KCMF1: variants seen among roughly 807,000 people sequenced by gnomAD.
KCMF1 encodes the protein potassium channel modulatory factor 1, also known as E3 ubiquitin-protein ligase KCMF1.
A neutral mutation model predicts 41.1 loss-of-function variants in KCMF1; 3 were observed. That is an observed-to-expected ratio of 0.07 (90% CI 0.03 to 0.19). The LOEUF is 0.19. Among genes scored for constraint, KCMF1 ranks in the 10% least tolerant of loss-of-function variants. KCMF1 has a pLI of 1.00. For missense variants in KCMF1, 286 were observed against 488.9 expected, an observed-to-expected ratio of 0.58 and a Z score of 3.91; for synonymous variants, 142 against 164.5, an observed-to-expected ratio of 0.86 and a Z score of 1.04.
intron 4 of KCMF1, 124 bp from the exon 5 acceptor site, chr2:85,045,980 A>G: frequency 1.3e-6 from 1 of 776,256 alleles, no homozygotes; most frequent in Non-Finnish European, 2.0e-6. Flanking sequence ...TTGCACTTTA[A>G]GTTAAATGTG....
intron 3 of KCMF1, among the ~76,000 whole-genome samples, chr2:85,038,841 G>T (rs375534907): frequency 2.6e-5 from 4 of 152,102 alleles, no homozygotes; most frequent in East Asian, 3.8e-4. Flanking sequence ...AAGCAGAGAC[G>T]TGAATTGTAC....
At chr2:85,048,299 C>G (rs1381408890) in intron 5 of KCMF1, among the ~76,000 whole-genome samples, 2 of 152,118 alleles carry the variant, frequency 1.3e-5, no homozygotes, top group African/African-American at 2.4e-5. Flanking sequence ...GAATATTTAC[C>G]TGCTATTTTG....
intron 1 of KCMF1, among the ~76,000 whole-genome samples, chr2:84,996,457 C>T (rs1674178063): frequency 8.8e-6 from 1 of 113,080 alleles, no homozygotes; most frequent in Admixed American, 1.1e-4. Flanking sequence ...TTTTTTGAGA[C>T]AGAGTCTTGG....
At chr2:84,974,873 T>C (rs1673505418) in intron 1 of KCMF1, among the ~76,000 whole-genome samples, 1 of 151,074 alleles carries the variant, frequency 6.6e-6, no homozygotes, top group African/African-American at 2.4e-5. Flanking sequence ...GCCCGGCTAA[T>C]TTTTGTATTT....
intron 2 of KCMF1, among the ~76,000 whole-genome samples, chr2:85,029,384 A>T (rs554519593): frequency 2.0e-4 from 30 of 152,054 alleles, no homozygotes; most frequent in Admixed American, 3.3e-4. Flanking sequence ...GGAGTTTGAG[A>T]TGAGCCTGGG....
At chr2:84,977,373 AC>A (rs1673576831) in intron 1 of KCMF1, among the ~76,000 whole-genome samples, 1 of 152,204 alleles carries the variant, frequency 6.6e-6, no homozygotes, top group Non-Finnish European at 1.5e-5. Context: ...AGGTCTTCTT[AC>A]AACTTATTGT....
chr2:85,027,366 CTTTTTTTTTTTTT>C (rs934531367), intron 1 of KCMF1, among the ~76,000 whole-genome samples: 2 of 65,738 alleles, frequency 3.0e-5, no homozygotes, highest in Admixed American at 1.8e-4. Flanking sequence ...CTTATCAAGG[CTTTTTTTTTTTTT>C]TTTTTTTTTT....
intron 1 of KCMF1, among the ~76,000 whole-genome samples, chr2:85,008,312 T>TATATAATATATATCATATGATATATA (rs372495671): frequency 1.1e-4 from 2 of 18,108 alleles, no homozygotes; most frequent in African/African-American, 1.8e-4. Flanking sequence ...TATAATATGA[T>TATATAATATATATCATATGATATATA]ATATATATCA....
intron 1 of KCMF1, among the ~76,000 whole-genome samples, chr2:85,024,458 G>C (rs1353428030): frequency 1.3e-5 from 2 of 152,102 alleles, no homozygotes; most frequent in African/African-American, 4.8e-5. Flanking sequence ...CGGCGACAGA[G>C]TGAGACTCTA....
chr2:85,014,004 T>C (rs1050790412), intron 1 of KCMF1: 1 of 152,208 alleles, frequency 6.6e-6, no homozygotes, highest in Non-Finnish European at 1.5e-5. Context: ...TCTAAACAGC[T>C]CTTAGACCCT....
intron 1 of KCMF1, among the ~76,000 whole-genome samples, chr2:85,014,724 CGTGT>C (rs72066261): frequency 0.033 from 4,628 of 138,260 alleles, 113 homozygotes; most frequent in Middle Eastern, 0.069. Flanking sequence ...TGCGTGCGTG[CGTGT>C]GTGTGTGTGT....
At position 85,058,767 on chromosome 2, in the gene KCMF1, T is replaced by G. The variant is rs1328371649; in HGVS notation, c.*5358T>G. ...AGCCGGTTGCGTTTGGTCAGTCACG[T>G]GACCAATCAGAGCTGGTGAGTGAGC... On this transcript the variant is annotated 3_prime_UTR_variant, in exon 7 of 7. Transcript: ENST00000409785. 6.6e-6 allele frequency: 1 copy of G among 152,236 alleles called. No individual in the cohort carries two copies. The highest frequency in any genetic ancestry group is 1.5e-5 in the Non-Finnish European group (1 of 68,044). 9.4% of individuals were successfully genotyped at this position (152,236 alleles called of 1,614,324 possible). A position where few individuals can be genotyped will look rare whatever the true frequency, so the allele number is the denominator to read the frequency against.
intron 1 of KCMF1, among the ~76,000 whole-genome samples, chr2:84,988,274 G>A (rs1480212725): frequency 6.6e-6 from 1 of 151,910 alleles, no homozygotes; most frequent in East Asian, 1.9e-4. Flanking sequence ...GGGGTGGGAA[G>A]TAGAGTAGAT....
At chr2:85,042,201 A>G (rs1675557205) in intron 3 of KCMF1, among the ~76,000 whole-genome samples, 1 of 152,184 alleles carries the variant, frequency 6.6e-6, no homozygotes, top group African/African-American at 2.4e-5. Flanking sequence ...TCCTGAGGAT[A>G]TTTCTCAGAG....
rs1460393835 is a variant in KCMF1, at chr2:84,971,483, GC to G, written c.16+21del. On this transcript the variant is annotated intron_variant, in intron 1 of 6. Coordinates refer to ENST00000409785, the MANE Select transcript of KCMF1 (RefSeq NM_020122.5). Reference sequence around the variant, plus strand: ...CGACATGAAGGTGAGAGGAGCCCCCGCCCCCACCCGCACCTCCCGGGCCTCG... The same window carrying G: ...CGACATGAAGGTGAGAGGAGCCCCCGCCCCACCCGCACCTCCCGGGCCTCG... 5 of 1,236,878 alleles carry G rather than the reference GC, an allele frequency of 4.0e-6. No individual in the cohort carries two copies. Among genetic ancestry groups the G allele is most frequent in the Non-Finnish European group, 5.2e-6 (5 of 967,300 alleles). 76.6% of individuals were successfully genotyped at this position (1,236,878 alleles called of 1,614,324 possible). A position where few individuals can be genotyped will look rare whatever the true frequency, so the allele number is the denominator to read the frequency against.
Position 85,049,547 on chromosome 2 carries a change from C to G in KCMF1, c.783C>G (p.Ser261Arg). The change falls in exon 6 of 7, where the codon AGC (serine) becomes AGG (arginine). Residue 261 changes from serine (S) to arginine (R), a missense_variant. By Grantham distance (110) the Ser-to-Arg change is moderately radical (BLOSUM62 -1). Coordinates refer to ENST00000409785, the MANE Select transcript of KCMF1 (RefSeq NM_020122.5). ...ACGCAACCCGGCGTACTAACACAAG[C>G]AGTGTCACCACTACAATCACACAAT... Reference protein sequence around the residue: ...ARNATRRTNTSSVTTTITQST... With the variant: ...ARNATRRTNTRSVTTTITQST... 3 of 1,614,022 alleles carry G rather than the reference C, an allele frequency of 1.9e-6. No individual in the cohort carries two copies. The highest frequency in any genetic ancestry group is 2.5e-6 in the Non-Finnish European group (3 of 1,179,886).
intron 1 of KCMF1, among the ~76,000 whole-genome samples, chr2:85,008,335 A>AATATGAT (rs1674545050): frequency 8.7e-4 from 13 of 15,002 alleles, no homozygotes; most frequent in Admixed American, 2.7e-3. Flanking sequence ...TATAATATAT[A>AATATGAT]ATATGATATA....
intron 6 of KCMF1, among the ~76,000 whole-genome samples, chr2:85,052,844 TC>T (rs765326097): frequency 6.6e-5 from 10 of 152,340 alleles, no homozygotes; most frequent in Admixed American, 2.0e-4. Flanking sequence ...CTGTAAGAAA[TC>T]CTGTTTTCCT....
chr2:85,042,791 C>T (rs1358082335), intron 3 of KCMF1, among the ~76,000 whole-genome samples: 1 of 152,112 alleles, frequency 6.6e-6, no homozygotes, highest in Non-Finnish European at 1.5e-5. Flanking sequence ...CTCTCCTTCC[C>T]TCTGTTTCAC....
Sources: allele counts gnomAD v4.1 joint callset (sites outside exome capture counted in the v4.1 genomes callset), GRCh38; gene constraint gnomAD v4.1.1; transcripts MANE v1.5; gene names NCBI Gene and HGNC (gene_info 2026-07-23, HGNC 2026-07-21).